Variants in C6orf163 observed in about 807,000 individuals in gnomAD.
C6orf163 encodes chromosome 6 open reading frame 163, also known as uncharacterized protein C6orf163.
In C6orf163, 22 loss-of-function variants were observed where a neutral mutation model predicts 28.4. The observed-to-expected ratio is 0.78, with a 90% CI of 0.55 to 1.11. C6orf163 has a LOEUF of 1.11. Ranked by LOEUF, C6orf163 falls within the 50% of genes least tolerant of loss-of-function variation. The probability of loss-of-function intolerance (pLI) is 0.00; values close to 1 mark genes in which losing one functional copy is unlikely to be tolerated. For missense variants in C6orf163, 342 were observed against 389.1 expected, an observed-to-expected ratio of 0.88 and a Z score of 1.02; for synonymous variants, 110 against 123.6, an observed-to-expected ratio of 0.89 and a Z score of 0.73.
chr6:87,345,074 TAGG>T lies in C6orf163; in HGVS notation c.-23_-21del, dbSNP rs1328499145. ...ATTCTAAGATTATTTTAACTGTAAG[TAGG>T]AGAAGACATCTGAAATTTAACTATG... On this transcript the variant is annotated 5_prime_UTR_variant, in exon 1 of 5. Transcript: ENST00000388923. 7.3e-6 allele frequency: 11 copies of T among 1,498,026 alleles called. No homozygotes were observed. The highest frequency in any genetic ancestry group is 2.8e-5 in the African/African-American group (2 of 71,080). 92.8% of individuals were successfully genotyped at this position (1,498,026 alleles called of 1,614,324 possible). A position where few individuals can be genotyped will look rare whatever the true frequency, so the allele number is the denominator to read the frequency against.
At chr6:87,358,918 C>T (rs1777544836) in intron 4 of C6orf163, among the ~76,000 whole-genome samples, 2 of 152,140 alleles carry the variant, frequency 1.3e-5, no homozygotes, top group Non-Finnish European at 2.9e-5. Context: ...GAACCCTGGC[C>T]TTTATGATGC....
intron 3 of C6orf163, among the ~76,000 whole-genome samples, chr6:87,352,869 G>C (rs1214131373): frequency 6.6e-6 from 1 of 152,152 alleles, no homozygotes; most frequent in African/African-American, 2.4e-5. Flanking sequence ...TATCTCCTGA[G>C]GGGGACATTA....
At chr6:87,350,594 A>C in intron 3 of C6orf163, 93 bp downstream of exon 3, 3 of 711,598 alleles carry the variant, frequency 4.2e-6, no homozygotes, top group East Asian at 2.8e-5. Flanking sequence ...TAATAAGGAA[A>C]TCTAGACTGG....
intron 3 of C6orf163, among the ~76,000 whole-genome samples, chr6:87,355,596 A>G (rs138684422): frequency 6.6e-6 from 1 of 152,276 alleles, no homozygotes; most frequent in African/African-American, 2.4e-5. Context: ...AAAGTTTTAA[A>G]ATACCTGGAC....
chr6:87,355,300 C>T (rs2127933181), intron 3 of C6orf163, among the ~76,000 whole-genome samples: 1 of 152,306 alleles, frequency 6.6e-6, no homozygotes, highest in South Asian at 2.1e-4. Flanking sequence ...GTGGCTCATG[C>T]CTGTAATTCC....
chr6:87,347,670 A>G, intron 1 of C6orf163: 1 of 985,126 alleles, frequency 1.0e-6, no homozygotes, highest in Non-Finnish European at 1.2e-6. Context: ...ACTGCATGAA[A>G]TGGAATTTCT....
chr6:87,351,012 T>C (rs554937842), intron 3 of C6orf163, among the ~76,000 whole-genome samples: 2 of 152,160 alleles, frequency 1.3e-5, no homozygotes, highest in South Asian at 2.1e-4. Context: ...TTGCATTTAC[T>C]GTACTGCTAA....
In C6orf163 at chr6:87,348,892, G is replaced by A; in HGVS notation, c.229G>A (p.Glu77Lys). The A allele has an allele frequency of 6.5e-7, 1 of 1,537,458 alleles. No homozygotes were observed. Among genetic ancestry groups the A allele is most frequent in the Non-Finnish European group, 8.7e-7 (1 of 1,146,920 alleles). Reference sequence around the variant, plus strand: ...AGAACACATTGCGAAAGCAGAAGCTGAAGTATGGGCTCAGGTAAAAGAAGT... The same window carrying A: ...AGAACACATTGCGAAAGCAGAAGCTAAAGTATGGGCTCAGGTAAAAGAAGT... ...LREHIAKAEA[E>K]VWAQANERQK... Residue 77 changes from glutamate (E) to lysine (K), a missense_variant, in exon 2 of 5, where the codon GAA (glutamate) becomes AAA (lysine). Coordinates refer to ENST00000388923, the MANE Select transcript of C6orf163 (RefSeq NM_001010868.3).
intron 1 of C6orf163, chr6:87,348,528 G>A (rs912331293): frequency 1.2e-4 from 142 of 1,149,732 alleles, no homozygotes; most frequent in Non-Finnish European, 1.5e-4. Context: ...TACAAAATAT[G>A]TCCCTTTCTT....
At chr6:87,347,689 TTA>T in intron 1 of C6orf163, 1 of 985,420 alleles carries the variant, frequency 1.0e-6, no homozygotes, top group Non-Finnish European at 1.2e-6. Flanking sequence ...CTTGACTCTT[TTA>T]ACAGAGAAAC....
intron 3 of C6orf163, among the ~76,000 whole-genome samples, chr6:87,354,571 T>G (rs549714920): frequency 3.3e-5 from 5 of 152,356 alleles, no homozygotes; most frequent in East Asian, 3.9e-4. Context: ...ATTTTAGTGA[T>G]TTAAGAGACA....
chr6:87,347,677 T>C (rs1582103662), intron 1 of C6orf163: 1 of 985,176 alleles, frequency 1.0e-6, no homozygotes, highest in East Asian at 1.1e-4. Flanking sequence ...GAAATGGAAT[T>C]TCTTGACTCT....
chr6:87,356,223 T>C (rs1777499224), intron 3 of C6orf163, 78 bp from the exon 4 acceptor site: 4 of 1,143,226 alleles, frequency 3.5e-6, no homozygotes, highest in Non-Finnish European at 5.1e-6. Context: ...GATAAAACTA[T>C]GGTTTAAATA....
intron 2 of C6orf163, among the ~76,000 whole-genome samples, chr6:87,349,945 C>T (rs1011565697): frequency 6.6e-6 from 1 of 152,166 alleles, no homozygotes; most frequent in South Asian, 2.1e-4. Flanking sequence ...AGTTAAAGTT[C>T]TTTCTGAAGA....
At position 87,349,137 on chromosome 6, in the gene C6orf163, T is replaced by A. The variant is rs1019286201; in HGVS notation, c.243+231T>A. On this transcript the variant is annotated intron_variant, in intron 2 of 4. Transcript: ENST00000388923. ...GGAGGGTTCAGTGAAATAATATGCC[T>A]GGCACACAGTAGGTGCTTAGTAAGA... 5.9e-5 allele frequency among the ~76,000 whole-genome samples: 9 copies of A among 152,202 alleles called. No individual in the cohort carries two copies. In the East Asian group the frequency reaches 1.7e-3, roughly 29 times the overall value.
Position 87,365,374 on chromosome 6 carries a change from A to G in C6orf163, c.968A>G (p.Glu323Gly), listed in dbSNP as rs1777630808. Reference sequence around the variant, plus strand: ...ACACCTTCTAATCTTGTTATTAAGGAGAACAAAACAACTCTTGATTAGAAG... The same window carrying G: ...ACACCTTCTAATCTTGTTATTAAGGGGAACAAAACAACTCTTGATTAGAAG... ...KKTPSNLVIK[E>G]NKTTLD is the part of the protein sequence containing the mutation. Residue 323 changes from glutamate to glycine, a missense_variant, in exon 5 of 5, where the codon GAG becomes GGG. By Grantham distance (98) the Glu-to-Gly change is moderately conservative. Coordinates refer to ENST00000388923, the MANE Select transcript of C6orf163 (RefSeq NM_001010868.3). 3 of 1,536,068 alleles carry G rather than the reference A, an allele frequency of 2.0e-6. No individual in the cohort carries two copies. Among genetic ancestry groups the G allele is most frequent in the Non-Finnish European group, 2.6e-6 (3 of 1,139,058 alleles).
chr6:87,348,153 T>C, intron 1 of C6orf163: 2 of 969,868 alleles, frequency 2.1e-6, no homozygotes, highest in Non-Finnish European at 2.5e-6. Flanking sequence ...AGACTCCCTC[T>C]CAAAAAAAAA....
chr6:87,357,561 A>C (rs1487817008), intron 4 of C6orf163: 4 of 152,370 alleles, frequency 2.6e-5, no homozygotes, highest in Middle Eastern at 3.4e-3. Flanking sequence ...TGACAGTTTA[A>C]CTGGTACCTC....
At chr6:87,364,444 T>C (rs1296286201) in intron 4 of C6orf163, among the ~76,000 whole-genome samples, 2 of 152,194 alleles carry the variant, frequency 1.3e-5, no homozygotes, top group Admixed American at 6.5e-5. Context: ...GCTCTTTGGC[T>C]TCCTCGATAA....
Sources: gnomAD v4.1 joint callset for allele counts (sites outside exome capture counted in the v4.1 genomes callset) on GRCh38, gnomAD v4.1.1 for gene constraint, MANE v1.5 for transcripts, NCBI Gene and HGNC (gene_info 2026-07-23, HGNC 2026-07-21) for gene names.